Variants in PHF24 observed in about 807,000 individuals in gnomAD.
PHF24 encodes PHD finger protein 24.
PHF24 carries 25 observed loss-of-function variants against 42.6 expected under a neutral mutation model. The observed-to-expected ratio is 0.59, with a 90% CI of 0.43 to 0.82. The LOEUF (loss-of-function observed/expected upper bound fraction) is 0.82. PHF24 is among the 40% of genes least tolerant of loss of function. PHF24 has a pLI of 0.00. For synonymous variants in PHF24, 185 were observed against 204.8 expected (o/e 0.90, Z 0.83); for missense variants, 470 against 538.1 (o/e 0.87, Z 1.25).
At chr9:34,862,805 G>C in the PHF24 span, among the ~76,000 whole-genome samples, 4 of 151,938 alleles carry the variant, frequency 2.6e-5, no homozygotes, top group South Asian at 8.3e-4. Flanking sequence ...TTAGGTACCA[G>C]CTTGGCCACA....
At chr9:34,810,351 C>T in the PHF24 span, among the ~76,000 whole-genome samples, 37 of 152,244 alleles carry the variant, frequency 2.4e-4, no homozygotes, top group Non-Finnish European at 4.6e-4. Context: ...GGGGAACCGC[C>T]GCCATGAAGA....
At chr9:34,800,458 A>G in the PHF24 span, among the ~76,000 whole-genome samples, 1 of 152,200 alleles carries the variant, frequency 6.6e-6, no homozygotes, top group African/African-American at 2.4e-5. Flanking sequence ...TGGTACTGGT[A>G]CCAAAACAGA....
chr9:34,785,313 C>G, the PHF24 span, among the ~76,000 whole-genome samples: 2 of 152,220 alleles, frequency 1.3e-5, no homozygotes, highest in African/African-American at 4.8e-5. Flanking sequence ...TTAATCCGTT[C>G]ATGAGGGAGA....
chr9:34,871,324 A>G, the PHF24 span, among the ~76,000 whole-genome samples: 1 of 152,196 alleles, frequency 6.6e-6, no homozygotes, highest in Non-Finnish European at 1.5e-5. Flanking sequence ...AGTGCTTTGT[A>G]TACTTTGGAT....
the PHF24 span, among the ~76,000 whole-genome samples, chr9:34,931,925 C>T: frequency 6.6e-6 from 1 of 152,200 alleles, no homozygotes; most frequent in Non-Finnish European, 1.5e-5. Flanking sequence ...GTGAAATTAA[C>T]TTGTTTCAGG....
chr9:34,690,832 G>C, the PHF24 span, among the ~76,000 whole-genome samples: 1 of 152,176 alleles, frequency 6.6e-6, no homozygotes, highest in African/African-American at 2.4e-5. Flanking sequence ...GCAGGAAATA[G>C]AGCTTGCAGA....
At chr9:34,689,129 G>C in the PHF24 span, among the ~76,000 whole-genome samples, 1 of 152,114 alleles carries the variant, frequency 6.6e-6, no homozygotes, top group Non-Finnish European at 1.5e-5. The surrounding 1 kb of genome is among the most constrained non-coding windows in gnomAD (Gnocchi z 4.1). Context: ...CAGTAGAGCT[G>C]GGCCCTTTGC....
the PHF24 span, among the ~76,000 whole-genome samples, chr9:34,940,281 C>T: frequency 6.6e-6 from 1 of 152,010 alleles, no homozygotes; most frequent in African/African-American, 2.4e-5. Context: ...CCCAGATAAG[C>T]ACAACAAAGA....
chr9:34,755,509 GTTGTATATTTT>G, the PHF24 span, among the ~76,000 whole-genome samples: 2 of 151,598 alleles, frequency 1.3e-5, no homozygotes, highest in African/African-American at 2.4e-5. Flanking sequence ...TTGTATATTT[GTTGTATATTTT>G]TTGTATATTT....
chr9:34,704,406 G>A, the PHF24 span, among the ~76,000 whole-genome samples: 3 of 152,190 alleles, frequency 2.0e-5, no homozygotes, highest in Admixed American at 2.0e-4. Flanking sequence ...GACAAGGAAG[G>A]AGTGAACCGG....
At chr9:34,892,975 G>A in the PHF24 span, 2 of 713,176 alleles carry the variant, frequency 2.8e-6, no homozygotes, top group African/African-American at 1.7e-5. Flanking sequence ...CACTAGATGT[G>A]GACAAAGCCT....
At chr9:34,964,039 C>A (rs900907322) in intron 1 of PHF24, among the ~76,000 whole-genome samples, 4 of 152,226 alleles carry the variant, frequency 2.6e-5, no homozygotes, top group Non-Finnish European at 5.9e-5. Flanking sequence ...ACAAAAGACA[C>A]TTTAATTCAC....
the PHF24 span, among the ~76,000 whole-genome samples, chr9:34,769,812 A>T: frequency 6.6e-5 from 10 of 152,212 alleles, no homozygotes; most frequent in African/African-American, 2.4e-4. Flanking sequence ...GAATAAACAT[A>T]TATCTTTTGA....
At chr9:34,710,062 G>A in the PHF24 span, 1 of 1,613,434 alleles carries the variant, frequency 6.2e-7, no homozygotes, top group East Asian at 2.2e-5. Context: ...CAGTGACTGA[G>A]CCATGTCTGT....
chr9:34,854,700 G>A, the PHF24 span, among the ~76,000 whole-genome samples: 2 of 152,100 alleles, frequency 1.3e-5, no homozygotes, highest in East Asian at 3.8e-4. Flanking sequence ...TTCTAATTAT[G>A]TTTTCAATTT....
At chr9:34,715,944 C>T in the PHF24 span, among the ~76,000 whole-genome samples, 1 of 152,324 alleles carries the variant, frequency 6.6e-6, no homozygotes, top group East Asian at 1.9e-4. Flanking sequence ...AGCAGATGCT[C>T]CCAGCTTGGC....
the PHF24 span, among the ~76,000 whole-genome samples, chr9:34,822,383 T>C: frequency 6.6e-6 from 1 of 152,218 alleles, no homozygotes; most frequent in African/African-American, 2.4e-5. Context: ...TTCACCTTTG[T>C]CTTTTTAAAA....
chr9:34,886,742 A>ATCTGTCTGTCTG, the PHF24 span, among the ~76,000 whole-genome samples: 417 of 107,824 alleles, frequency 3.9e-3, 2 homozygotes, highest in East Asian at 0.03. Flanking sequence ...TTTTATATCT[A>ATCTGTCTGTCTG]TCTATCTATC....
the PHF24 span, among the ~76,000 whole-genome samples, chr9:34,879,748 A>G: frequency 1.3e-5 from 2 of 152,228 alleles, no homozygotes; most frequent in African/African-American, 4.8e-5. Context: ...AGAGACGGGG[A>G]GAATGGAACC....
Sources: gnomAD v4.1 joint callset for allele counts (sites outside exome capture counted in the v4.1 genomes callset) on GRCh38, gnomAD v4.1.1 for gene constraint, Gnocchi (gnomAD v3.1) non-coding constraint, MANE v1.5 for transcripts, NCBI Gene and HGNC (gene_info 2026-07-23, HGNC 2026-07-21) for gene names.